The following PDE4DIP variants were observed in gnomAD, a reference collection of about 807,000 sequenced individuals.
PDE4DIP encodes the protein myomegalin.
PDE4DIP carries 59 observed loss-of-function variants against 221.4 expected under a neutral mutation model. The observed-to-expected ratio is 0.27, with a 90% CI of 0.22 to 0.33. The LOEUF is 0.33. Among genes scored for constraint, PDE4DIP ranks in the 10% least tolerant of loss-of-function variants. The pLI is 1.00. For synonymous variants in PDE4DIP, 404 were observed against 815.9 expected, an observed-to-expected ratio of 0.50 and a Z score of 8.60; for missense variants, 1,036 against 2,154.2, an observed-to-expected ratio of 0.48 and a Z score of 10.28.
At chr1:148,912,338 G>A (rs1413253388) in intron 1 of PDE4DIP, among the ~76,000 whole-genome samples, 1 of 143,600 alleles carries the variant, frequency 7.0e-6, no homozygotes, top group African/African-American at 2.7e-5. Context: ...TTCATGTTTT[G>A]TTTAAATAAA....
chr1:148,977,328 G>T (rs587672065), intron 17 of PDE4DIP, among the ~76,000 whole-genome samples: 4 of 31,536 alleles, frequency 1.3e-4, no homozygotes, highest in African/African-American at 5.6e-4. Context: ...GATTACAGGT[G>T]TGAGCTACCA....
intron 37 of PDE4DIP, among the ~76,000 whole-genome samples, chr1:149,023,562 C>T (rs609877): frequency 0.53 from 59,780 of 113,002 alleles, 16,677 homozygotes; most frequent in East Asian, 0.6. Context: ...TATATATGTG[C>T]ATGTATATAT....
chr1:148,920,126 TTTTGG>T, intron 1 of PDE4DIP, among the ~76,000 whole-genome samples: 1 of 128,308 alleles, frequency 7.8e-6, no homozygotes, highest in African/African-American at 3.3e-5. Flanking sequence ...TTTATTTTTT[TTTTGG>T]TTTTTATTTA....
At chr1:148,991,188 T>C in intron 21 of PDE4DIP, among the ~76,000 whole-genome samples, 1 of 148,802 alleles carries the variant, frequency 6.7e-6, no homozygotes, top group African/African-American at 2.5e-5. Context: ...CTAGAGTGGC[T>C]GTGTCCATCT....
intron 4 of PDE4DIP, among the ~76,000 whole-genome samples, chr1:148,933,833 C>G (rs1293524944): frequency 1.3e-5 from 2 of 151,632 alleles, no homozygotes; most frequent in Non-Finnish European, 2.9e-5. Context: ...CATCACCCAC[C>G]ACCATTCCTT....
At chr1:148,981,089 A>T (rs2061001602) in intron 20 of PDE4DIP, among the ~76,000 whole-genome samples, 181 bp from the exon 24 acceptor site, 1 of 152,200 alleles carries the variant, frequency 6.6e-6, no homozygotes. Flanking sequence ...GTCCTTACTA[A>T]TCTATCAGCA....
intron 33 of PDE4DIP, among the ~76,000 whole-genome samples, chr1:149,017,042 A>G (rs1276596606): frequency 2.0e-5 from 3 of 152,054 alleles, no homozygotes; most frequent in Admixed American, 2.0e-4. Context: ...AGACAATCGT[A>G]ATTTTCAGGA....
chr1:149,021,335 G>A (rs1192211045), intron 37 of PDE4DIP, 182 bp downstream of exon 40: 3 of 602,968 alleles, frequency 5.0e-6, no homozygotes, highest in African/African-American at 1.8e-5. Flanking sequence ...GGACAGGTTG[G>A]TGGCACGAGC....
Position 148,929,451 on chromosome 1 carries a change from T to G in PDE4DIP, c.218+178T>G. On this transcript the variant is annotated intron_variant, in intron 2 of 43. Coordinates refer to ENST00000369354, the Ensembl canonical transcript of PDE4DIP. ...TTCCCTTGGGCTCTTTCTCTATTAC[T>G]AGGTCAGATGGACCTTGTCATAAGT... is the stretch of plus-strand genomic sequence containing the variant. 3 of 852,662 alleles carry G rather than the reference T, an allele frequency of 3.5e-6. No homozygotes were observed. The South Asian group carries it at 5.6e-5, about 16-fold the overall frequency. The allele number at this position is 852,662 out of a possible 1,614,324, so 52.8% of individuals were successfully genotyped here.
At chr1:148,981,135 T>G in intron 20 of PDE4DIP, 135 bp from the exon 24 acceptor site, 2 of 761,724 alleles carry the variant, frequency 2.6e-6, no homozygotes, top group Admixed American at 2.1e-5. Flanking sequence ...TACATTCATT[T>G]ATTGTGTCCT....
chr1:148,989,755 A>T (rs1553554976), intron 21 of PDE4DIP, among the ~76,000 whole-genome samples: 1 of 152,214 alleles, frequency 6.6e-6, no homozygotes, highest in East Asian at 1.9e-4. Flanking sequence ...CCTTTGCTGG[A>T]AAAACATAAA....
At position 148,824,259 on chromosome 1, in the gene PDE4DIP, G is replaced by A. The variant is rs587731013; in HGVS notation, c.233+15522G>A. Among the ~76,000 whole-genome samples, 38 of 148,360 alleles carry A rather than the reference G, an allele frequency of 2.6e-4. 1 individual carries two copies. Among genetic ancestry groups the A allele is most frequent in the East Asian group, 3.9e-4 (2 of 5,176 alleles). On this transcript the variant is annotated intron_variant, in intron 1 of 45. Coordinates refer to the PDE4DIP transcript ENST00000524974. ...AGACTCGACAGGGGCTGAAAGGTCC[G>A]TTTTCAGACTCACGCACACGGTATT...
intron 1 of PDE4DIP, among the ~76,000 whole-genome samples, chr1:148,813,757 T>G (rs1180581089): frequency 8.9e-5 from 11 of 123,538 alleles, no homozygotes; most frequent in Admixed American, 3.1e-4. Context: ...GATCAAGGTG[T>G]TTTTTTTTTT....
At chr1:149,032,426 G>A (rs1190327432) in exon 44 of PDE4DIP, 3 of 439,250 alleles carry the variant, frequency 6.8e-6, no homozygotes, top group East Asian at 4.0e-5. Flanking sequence ...CCTCTGGCAG[G>A]TTCTAAAAGC....
chr1:148,935,034 T>G (rs1300810676), intron 4 of PDE4DIP, among the ~76,000 whole-genome samples: 1 of 151,872 alleles, frequency 6.6e-6, no homozygotes, highest in African/African-American at 2.4e-5. Flanking sequence ...GCCAACATGG[T>G]GAAACCCCAT....
At chr1:148,981,354 C>T in exon 21 of PDE4DIP, 1 of 1,614,022 alleles carries the variant, frequency 6.2e-7, no homozygotes. Context: ...TTGGAAGAAG[C>T]TTGGAGCGCT....
chr1:148,996,844 A>T (rs1553565010), intron 22 of PDE4DIP, among the ~76,000 whole-genome samples: 1 of 152,220 alleles, frequency 6.6e-6, no homozygotes, highest in African/African-American at 2.4e-5. Context: ...TCTACAAGTT[A>T]TCCCCAATCA....
chr1:148,995,797 A>C (rs1217067328), intron 22 of PDE4DIP, among the ~76,000 whole-genome samples: 2 of 151,326 alleles, frequency 1.3e-5, no homozygotes, highest in African/African-American at 4.8e-5. Context: ...TTAAAGTTAC[A>C]TATGTATACA....
intron 1 of PDE4DIP, among the ~76,000 whole-genome samples, chr1:148,920,119 AT>A (rs56174614): frequency 2.1e-5 from 3 of 140,532 alleles, no homozygotes; most frequent in South Asian, 2.3e-4. Context: ...AAAACTATTT[AT>A]TTTTTTTTTG....
Sources: allele counts gnomAD v4.1 joint callset (sites outside exome capture counted in the v4.1 genomes callset), GRCh38; gene constraint gnomAD v4.1.1; transcripts MANE v1.5; gene names NCBI Gene and HGNC (gene_info 2026-07-23, HGNC 2026-07-21).